Variants in XIRP2 observed in about 807,000 individuals in gnomAD.
The protein encoded by XIRP2 is xin actin binding repeat containing 2.
Under a neutral mutation model 277.0 loss-of-function variants are expected in XIRP2, and 236 were observed. The ratio of observed to expected loss-of-function variants is 0.85; its 90% CI spans 0.77 to 0.95. The LOEUF (loss-of-function observed/expected upper bound fraction) is 0.95. Ranked by LOEUF, XIRP2 falls within the 40% of genes least tolerant of loss-of-function variation. The pLI is 0.00. For synonymous variants in XIRP2, 1,490 were observed against 1,416.5 expected, an observed-to-expected ratio of 1.05 and a Z score of -1.17; for missense variants, 4,640 against 4,157.5, an observed-to-expected ratio of 1.12 and a Z score of -3.19.
At chr2:167,091,099 A>G (rs373795804) in intron 2 of XIRP2, among the ~76,000 whole-genome samples, 5 of 152,162 alleles carry the variant, frequency 3.3e-5, no homozygotes, top group African/African-American at 1.2e-4. Flanking sequence ...CAGTCTTCTT[A>G]TTGTTACTTC....
chr2:167,223,797 A>T (rs1337560596), intron 5 of XIRP2, among the ~76,000 whole-genome samples: 2 of 152,166 alleles, frequency 1.3e-5, no homozygotes, highest in Non-Finnish European at 2.9e-5. Context: ...TTTAATTATG[A>T]GCACTATTTT....
At chr2:167,087,801 C>T (rs990449199) in intron 2 of XIRP2, among the ~76,000 whole-genome samples, 5 of 152,146 alleles carry the variant, frequency 3.3e-5, no homozygotes, top group African/African-American at 7.2e-5. Context: ...TGCTTCGGCT[C>T]GCGCACGGTG....
intron 2 of XIRP2, among the ~76,000 whole-genome samples, chr2:166,970,637 A>G (rs1438717489): frequency 3.9e-5 from 6 of 151,904 alleles, no homozygotes; most frequent in Admixed American, 3.3e-4. Context: ...GTGAATCGAT[A>G]GGTACCTTGA....
intron 2 of XIRP2, among the ~76,000 whole-genome samples, chr2:166,988,746 G>A (rs1574141021): frequency 1.5e-5 from 1 of 64,880 alleles, no homozygotes; most frequent in Non-Finnish European, 2.9e-5. Flanking sequence ...CGAATATTGC[G>A]CTTTTCAGAC....
intron 3 of XIRP2, among the ~76,000 whole-genome samples, chr2:167,161,408 C>T (rs1351411526): frequency 6.6e-6 from 1 of 152,230 alleles, no homozygotes; most frequent in Non-Finnish European, 1.5e-5. Flanking sequence ...TCTGCCTGGA[C>T]ATCCAGTTGT....
At chr2:167,051,796 T>C (rs1359693468) in intron 2 of XIRP2, among the ~76,000 whole-genome samples, 2 of 152,094 alleles carry the variant, frequency 1.3e-5, no homozygotes, top group Non-Finnish European at 2.9e-5. Flanking sequence ...AAGAAATTTT[T>C]AGTGATAACC....
chr2:167,091,350 A>C (rs987166796), intron 2 of XIRP2, among the ~76,000 whole-genome samples: 6 of 152,030 alleles, frequency 3.9e-5, no homozygotes, highest in Non-Finnish European at 7.4e-5. Context: ...AGTGTCCTCT[A>C]TGTCCCTTAT....
chr2:166,978,159 G>A (rs182477104), intron 2 of XIRP2, among the ~76,000 whole-genome samples: 5 of 151,958 alleles, frequency 3.3e-5, no homozygotes, highest in East Asian at 1.9e-4. Context: ...TTGCATTGGC[G>A]CTTTTGTTGA....
chr2:167,068,343 A>G (rs757583393), intron 2 of XIRP2, among the ~76,000 whole-genome samples: 7 of 152,206 alleles, frequency 4.6e-5, no homozygotes, highest in Non-Finnish European at 7.3e-5. Flanking sequence ...AGTGATTTTA[A>G]AACCTTCCTC....
At chr2:166,969,174 T>C (rs182737859) in intron 2 of XIRP2, among the ~76,000 whole-genome samples, 1 of 152,094 alleles carries the variant, frequency 6.6e-6, no homozygotes, top group African/African-American at 2.4e-5. Flanking sequence ...TGAATATAAG[T>C]CTTGAACAGC....
intron 2 of XIRP2, among the ~76,000 whole-genome samples, chr2:166,925,370 G>C (rs1447076328): frequency 6.6e-6 from 1 of 151,670 alleles, no homozygotes; most frequent in Admixed American, 6.6e-5. Context: ...CTAGTGCTAG[G>C]TATGTTCCAG....
chr2:167,094,775 G>A (rs1690248567), intron 2 of XIRP2, among the ~76,000 whole-genome samples: 1 of 152,116 alleles, frequency 6.6e-6, no homozygotes, highest in Non-Finnish European at 1.5e-5. Context: ...TATTCTTTTT[G>A]CTTAGGATTG....
At chr2:167,148,223 A>G (rs1238005421) in intron 3 of XIRP2, among the ~76,000 whole-genome samples, 1 of 151,700 alleles carries the variant, frequency 6.6e-6, no homozygotes, top group Non-Finnish European at 1.5e-5. Flanking sequence ...CTCTAATAAA[A>G]ATATAAATAT....
intron 1 of XIRP2, among the ~76,000 whole-genome samples, chr2:166,893,243 C>A (rs1332429893): frequency 6.6e-6 from 1 of 151,958 alleles, no homozygotes; most frequent in Non-Finnish European, 1.5e-5. Flanking sequence ...TTTTAAAAGG[C>A]TTTTTCCTTC....
At chr2:166,910,196 TCTC>T (rs1381338440) in intron 2 of XIRP2, among the ~76,000 whole-genome samples, 3 of 152,104 alleles carry the variant, frequency 2.0e-5, no homozygotes, top group African/African-American at 7.2e-5. Flanking sequence ...GGTACCAGCT[TCTC>T]CTTGTACCTC....
chr2:167,082,591 A>G (rs1325076980), intron 2 of XIRP2, among the ~76,000 whole-genome samples: 1 of 152,150 alleles, frequency 6.6e-6, no homozygotes. Context: ...ATTTCTCCAC[A>G]TGCTCTCCAG....
intron 3 of XIRP2, among the ~76,000 whole-genome samples, chr2:167,170,988 C>T (rs1692674316): frequency 6.6e-6 from 1 of 150,938 alleles, no homozygotes; most frequent in Admixed American, 6.6e-5. Flanking sequence ...CACCCTCCGC[C>T]TCCAGGGTTC....
At chr2:166,999,291 T>C (rs1458630232) in intron 2 of XIRP2, among the ~76,000 whole-genome samples, 1 of 152,198 alleles carries the variant, frequency 6.6e-6, no homozygotes, top group Non-Finnish European at 1.5e-5. Context: ...ACCATGGCAG[T>C]CTGAGTAAAA....
intron 2 of XIRP2, among the ~76,000 whole-genome samples, chr2:167,003,427 G>T (rs1040805569): frequency 2.0e-5 from 3 of 151,876 alleles, no homozygotes; most frequent in Non-Finnish European, 2.9e-5. Flanking sequence ...TCAAAGAAGA[G>T]AAGATATTTG....
Sources: gnomAD v4.1 joint callset for allele counts (sites outside exome capture counted in the v4.1 genomes callset) on GRCh38, gnomAD v4.1.1 for gene constraint, MANE v1.5 for transcripts, NCBI Gene and HGNC (gene_info 2026-07-23, HGNC 2026-07-21) for gene names.